MRTFB: variants seen among roughly 807,000 people sequenced by gnomAD.
The protein encoded by MRTFB is myocardin related transcription factor B.
In MRTFB, 29 loss-of-function variants were observed where a neutral mutation model predicts 104.2. The ratio of observed to expected loss-of-function variants is 0.28; its 90% CI spans 0.21 to 0.38. MRTFB has a LOEUF of 0.38. Ranked by LOEUF, MRTFB falls within the 10% of genes least tolerant of loss-of-function variation. The probability of loss-of-function intolerance (pLI) is 1.00; values close to 1 mark genes in which losing one functional copy is unlikely to be tolerated. For missense variants in MRTFB, 1,270 were observed against 1,341.6 expected, an observed-to-expected ratio of 0.95 and a Z score of 0.83; for synonymous variants, 535 against 519.5, an observed-to-expected ratio of 1.03 and a Z score of -0.41.
At chr16:14,123,049 G>A (rs535867691) in intron 2 of MRTFB, among the ~76,000 whole-genome samples, 6 of 152,278 alleles carry the variant, frequency 3.9e-5, no homozygotes, top group African/African-American at 1.4e-4. Context: ...CAGTGATGAC[G>A]AGCATTTTTT....
the MRTFB span, among the ~76,000 whole-genome samples, chr16:14,041,631 T>C: frequency 2.0e-5 from 3 of 152,136 alleles, no homozygotes; most frequent in African/African-American, 7.2e-5. Context: ...CATGAGTATA[T>C]AAATTTTAGT....
the MRTFB span, among the ~76,000 whole-genome samples, chr16:14,045,043 CT>C: frequency 6.6e-6 from 1 of 152,138 alleles, no homozygotes; most frequent in Admixed American, 6.5e-5. Flanking sequence ...CCTTTTGCCC[CT>C]GTCTCATTTC....
chr16:14,047,974 G>A, the MRTFB span, among the ~76,000 whole-genome samples: 1 of 152,146 alleles, frequency 6.6e-6, no homozygotes. Flanking sequence ...TCTCATCTGA[G>A]ACAAGGCAAG....
chr16:14,257,132 A>G (rs2043529331), intron 15 of MRTFB, among the ~76,000 whole-genome samples: 1 of 152,200 alleles, frequency 6.6e-6, no homozygotes, highest in Admixed American at 6.5e-5. Context: ...ATCTTATACC[A>G]TATACTGAGG....
intron 3 of MRTFB, chr16:14,150,872 T>G (rs1463087311): frequency 6.6e-6 from 1 of 152,246 alleles, no homozygotes; most frequent in Non-Finnish European, 1.5e-5. Context: ...TTTCTGCTTC[T>G]TGGGAGCACC....
At chr16:14,217,344 A>G in intron 7 of MRTFB, 57 bp downstream of exon 7, 1 of 1,457,342 alleles carries the variant, frequency 6.9e-7, no homozygotes, top group Non-Finnish European at 9.3e-7. Context: ...GAAATTTTAG[A>G]TAAAACAAAT....
chr16:14,152,503 T>C (rs2038664170), intron 3 of MRTFB: 1 of 152,140 alleles, frequency 6.6e-6, no homozygotes, highest in Non-Finnish European at 1.5e-5. Flanking sequence ...TGTTTTTCAA[T>C]TAATCTGGAT....
chr16:14,094,386 G>A (rs559515926), intron 2 of MRTFB, among the ~76,000 whole-genome samples: 2 of 152,318 alleles, frequency 1.3e-5, no homozygotes, highest in African/African-American at 4.8e-5. Flanking sequence ...TTAAATGTGG[G>A]TAGAATTTAG....
At chr16:14,117,642 C>T (rs187326296) in intron 2 of MRTFB, among the ~76,000 whole-genome samples, 2 of 152,270 alleles carry the variant, frequency 1.3e-5, no homozygotes, top group African/African-American at 4.8e-5. Context: ...ATGCTTGTGG[C>T]TGTCCCTCCA....
chr16:14,218,866 T>G lies in MRTFB; in HGVS notation c.561T>G (p.Phe187Leu). The change falls in exon 8 of 17, where the codon TTT (phenylalanine) becomes TTG (leucine). Residue 187 changes from phenylalanine (F) to leucine (L), a missense_variant. Physicochemically the swap from Phe to Leu is conservative, Grantham distance 22 (BLOSUM62 0). This residue lies in a region of MRTFB where 1,144 missense variants were observed against 1,131.5 expected (regional missense o/e 1.01). Transcript: ENST00000571589. The part of the protein sequence containing the change: ...DYPHTQGDFS[F>L]DEDSSDALSP... ...CCCACACTCAGGGCGATTTCTCATT[T>G]GATGAAGACAGCAGTGACGCTTTGT... The G allele has an allele frequency of 6.2e-7, 1 of 1,613,598 alleles. No individual in the cohort carries two copies. Among genetic ancestry groups the G allele is most frequent in the South Asian group, 1.1e-5 (1 of 90,948 alleles).
intron 3 of MRTFB, chr16:14,195,544 G>A (rs1477385505): frequency 1.0e-6 from 1 of 985,292 alleles, no homozygotes; most frequent in South Asian, 4.7e-5. Context: ...ACTGAGTCTG[G>A]ATCATCTGAC....
At chr16:14,045,650 T>A in the MRTFB span, among the ~76,000 whole-genome samples, 1 of 152,232 alleles carries the variant, frequency 6.6e-6, no homozygotes, top group Non-Finnish European at 1.5e-5. Flanking sequence ...ATTCACATTC[T>A]ACCTTCATCA....
chr16:14,055,914 T>C, the MRTFB span, among the ~76,000 whole-genome samples: 1 of 152,222 alleles, frequency 6.6e-6, no homozygotes, highest in Non-Finnish European at 1.5e-5. Context: ...TGCAGAAATT[T>C]CTACTGTGGT....
At chr16:14,230,337 G>A (rs2042201663) in intron 8 of MRTFB, among the ~76,000 whole-genome samples, 1 of 152,106 alleles carries the variant, frequency 6.6e-6, no homozygotes, top group African/African-American at 2.4e-5. Flanking sequence ...CCATCAGAGT[G>A]AACAGGCAAC....
At chr16:14,189,828 A>G (rs951605153) in intron 3 of MRTFB, among the ~76,000 whole-genome samples, 6 of 152,170 alleles carry the variant, frequency 3.9e-5, no homozygotes, top group African/African-American at 1.2e-4. Context: ...CTGCTTCTCA[A>G]GTAGTTGCTT....
chr16:14,239,290 A>G (rs759709078), intron 9 of MRTFB, among the ~76,000 whole-genome samples: 2 of 152,266 alleles, frequency 1.3e-5, no homozygotes, highest in Non-Finnish European at 2.9e-5. Context: ...GTCACATTCT[A>G]TGAATGTTAG....
chr16:14,159,270 C>G (rs1347549985), intron 3 of MRTFB, among the ~76,000 whole-genome samples: 1 of 152,174 alleles, frequency 6.6e-6, no homozygotes, highest in Non-Finnish European at 1.5e-5. Flanking sequence ...CCTTGGTAGT[C>G]TAGAACACAG....
chr16:14,077,859 C>T (rs2034158279), intron 1 of MRTFB, among the ~76,000 whole-genome samples: 1 of 152,064 alleles, frequency 6.6e-6, no homozygotes, highest in African/African-American at 2.4e-5. Context: ...AGAAAGGACC[C>T]ATAAAGAAAA....
At chr16:14,117,729 G>A (rs948740501) in intron 2 of MRTFB, among the ~76,000 whole-genome samples, 7 of 152,124 alleles carry the variant, frequency 4.6e-5, no homozygotes, top group African/African-American at 1.2e-4. Context: ...GAAAGTGCAC[G>A]GTTGGTTTTG....
Sources: gnomAD v4.1 joint callset for allele counts (sites outside exome capture counted in the v4.1 genomes callset) on GRCh38, gnomAD v4.1.1 for gene constraint, gnomAD v4.1.1 regional missense constraint, MANE v1.5 for transcripts, NCBI Gene and HGNC (gene_info 2026-07-23, HGNC 2026-07-21) for gene names.